The following FRMD4A variants were observed in gnomAD, a reference collection of about 807,000 sequenced individuals.
FRMD4A encodes FERM domain-containing protein 4A.
Under a neutral mutation model 129.1 loss-of-function variants are expected in FRMD4A, and 29 were observed. The observed-to-expected ratio is 0.22, with a 90% CI of 0.17 to 0.31. FRMD4A has a LOEUF of 0.31. Among genes scored for constraint, FRMD4A ranks in the 10% least tolerant of loss-of-function variants. FRMD4A has a pLI of 1.00. For missense variants in FRMD4A, 1,272 were observed against 1,375.8 expected (o/e 0.92, Z 1.19); for synonymous variants, 634 against 571.6 (o/e 1.11, Z -1.56).
At position 14,258,518 on chromosome 10, in the gene FRMD4A, C is replaced by T. The variant is rs192706951; in HGVS notation, c.45+71540G>A. ...AATGAAATACTACCACACATCTATC[C>T]GAATTGTTAAAGTTGAACAAACTGA... On this transcript the variant is annotated intron_variant, in intron 2 of 24. Transcript: ENST00000357447. Among the ~76,000 whole-genome samples the T allele has an allele frequency of 4.6e-3, 704 of 152,172 alleles. 8 individuals carry two copies. Among genetic ancestry groups the T allele is most frequent in the Middle Eastern group, 0.017 (5 of 294 alleles).
At chr10:13,803,631 C>G (rs764280736) in intron 4 of FRMD4A, among the ~76,000 whole-genome samples, 1 of 105,186 alleles carries the variant, frequency 9.5e-6, no homozygotes, top group Non-Finnish European at 2.0e-5. Context: ...AGCTACCATA[C>G]CCAGCCCCCA....
intron 2 of FRMD4A, among the ~76,000 whole-genome samples, chr10:14,235,798 G>T (rs1843792270): frequency 6.6e-6 from 1 of 152,196 alleles, no homozygotes; most frequent in African/African-American, 2.4e-5. Flanking sequence ...ATCTGGCCAG[G>T]AAAGAACATA....
At chr10:13,846,549 G>A (rs1045495277) in intron 3 of FRMD4A, among the ~76,000 whole-genome samples, 10 of 152,228 alleles carry the variant, frequency 6.6e-5, no homozygotes, top group Non-Finnish European at 5.9e-5. Flanking sequence ...AGACTCTATA[G>A]TAGGGTCACA....
chr10:13,910,888 G>A (rs987877121), intron 2 of FRMD4A, among the ~76,000 whole-genome samples: 1 of 83,098 alleles, frequency 1.2e-5, no homozygotes, highest in African/African-American at 5.0e-5. Flanking sequence ...GGAGTTTCAT[G>A]AAAAAAAAAA....
rs115405402 is a variant in FRMD4A at position 14,330,483 on chromosome 10, A to G, written c.-82+114T>C. 8.3e-4 allele frequency: 339 copies of G among 409,182 alleles called. 1 individual carries two copies. The highest frequency in any genetic ancestry group is 6.4e-3 in the African/African-American group (315 of 49,576). 25.3% of individuals were successfully genotyped at this position (409,182 alleles called of 1,614,324 possible). A position where few individuals can be genotyped will look rare whatever the true frequency, so the allele number is the denominator to read the frequency against. ...CTGGCAGCAATTCTTCCTTTAACTG[A>G]CAATTAAAATAAAACATTCCCTATT... is the stretch of plus-strand genomic sequence containing the variant. On this transcript the variant is annotated intron_variant, in intron 1 of 24. Coordinates refer to ENST00000357447, the MANE Select transcript of FRMD4A (RefSeq NM_018027.5).
chr10:13,876,637 T>C lies in FRMD4A; in HGVS notation c.46-17725A>G, dbSNP rs1054017304. On this transcript the variant is annotated intron_variant, in intron 2 of 24. Coordinates refer to ENST00000357447, the MANE Select transcript of FRMD4A (RefSeq NM_018027.5). ...AAATGAAATTTTAAAAAAATTTTGC[T>C]TATGTTGTGATCAATGGAAGGAGAC... Among the ~76,000 whole-genome samples, 4 of 152,264 alleles carry C rather than the reference T, an allele frequency of 2.6e-5. No homozygotes were observed. In the East Asian group the frequency reaches 7.7e-4, roughly 29 times the overall value.
At chr10:14,093,694 G>T (rs1029520462) in intron 2 of FRMD4A, among the ~76,000 whole-genome samples, 2 of 87,728 alleles carry the variant, frequency 2.3e-5, no homozygotes, top group Admixed American at 2.6e-4. Flanking sequence ...TCAGCAGAGT[G>T]CTAAGAGCAG....
At chr10:14,322,210 G>A (rs752864491) in intron 2 of FRMD4A, among the ~76,000 whole-genome samples, 9 of 152,128 alleles carry the variant, frequency 5.9e-5, no homozygotes, top group Non-Finnish European at 1.0e-4. Flanking sequence ...GTACATAGGA[G>A]GGGCCAGATT....
At chr10:13,902,676 C>T (rs2094834645) in intron 2 of FRMD4A, among the ~76,000 whole-genome samples, 1 of 151,784 alleles carries the variant, frequency 6.6e-6, no homozygotes, top group Non-Finnish European at 1.5e-5. Context: ...CCCATCTATA[C>T]TAAAACACAA....
intron 2 of FRMD4A, among the ~76,000 whole-genome samples, chr10:13,958,938 T>G (rs1164108291): frequency 6.6e-6 from 1 of 152,232 alleles, no homozygotes; most frequent in African/African-American, 2.4e-5. Context: ...CAATCTAGTT[T>G]CTTTGGATGG....
rs1374241224 is a variant in FRMD4A at position 13,862,705 on chromosome 10, A to G, written c.46-3793T>C. ...TTTGAAGGTACAGCTTTCTTTTGAC[A>G]GCACTGCTGTGGTTTATTTTTCAAA... On this transcript the variant is annotated intron_variant, in intron 2 of 24. Coordinates refer to ENST00000357447, the MANE Select transcript of FRMD4A (RefSeq NM_018027.5). Among the ~76,000 whole-genome samples, 3 of 152,226 alleles carry G rather than the reference A, an allele frequency of 2.0e-5. No individual in the cohort carries two copies. The East Asian group carries it at 5.8e-4, about 29-fold the overall frequency.
intron 2 of FRMD4A, among the ~76,000 whole-genome samples, chr10:14,113,045 C>A (rs1022119972): frequency 6.6e-6 from 1 of 152,230 alleles, no homozygotes; most frequent in African/African-American, 2.4e-5. Context: ...CAGGTTCGGA[C>A]TGGAATCCCC....
intron 2 of FRMD4A, among the ~76,000 whole-genome samples, chr10:14,236,195 C>T (rs1843808565): frequency 6.6e-6 from 1 of 152,262 alleles, no homozygotes; most frequent in African/African-American, 2.4e-5. Flanking sequence ...AGTCCCATTT[C>T]ATTCTCAGCC....
chr10:14,323,439 T>C (rs1589313793), intron 2 of FRMD4A, among the ~76,000 whole-genome samples: 1 of 152,204 alleles, frequency 6.6e-6, no homozygotes, highest in African/African-American at 2.4e-5. Context: ...ATTTAGGCAA[T>C]TGTGCTTCTC....
intron 2 of FRMD4A, among the ~76,000 whole-genome samples, chr10:14,203,073 A>C (rs1261462229): frequency 6.6e-6 from 1 of 152,108 alleles, no homozygotes; most frequent in Non-Finnish European, 1.5e-5. Flanking sequence ...GTGCCTGGCC[A>C]CAAGCTGAAT....
intron 8 of FRMD4A, among the ~76,000 whole-genome samples, chr10:13,750,040 AAAGGAAAGGAAGG>A (rs200682793): frequency 2.9e-5 from 4 of 140,280 alleles, no homozygotes; most frequent in South Asian, 6.0e-4. Flanking sequence ...AAAGAGAGGG[AAAGGAAAGGAAGG>A]AAGGAAGGAA....
intron 2 of FRMD4A, among the ~76,000 whole-genome samples, chr10:14,119,527 C>G (rs568018610): frequency 3.0e-4 from 46 of 152,320 alleles, no homozygotes; most frequent in African/African-American, 1.0e-3. Context: ...CATTTGGAAG[C>G]AGATCAGGGA....
intron 4 of FRMD4A, among the ~76,000 whole-genome samples, chr10:13,805,063 T>C (rs1266569993): frequency 2.0e-5 from 3 of 152,212 alleles, no homozygotes; most frequent in East Asian, 3.8e-4. Context: ...TAAACTTTTA[T>C]GAAGGAAAGG....
In FRMD4A at chr10:14,187,209, C is replaced by T. The variant is rs1224562123; in HGVS notation, c.45+142849G>A. On this transcript the variant is annotated intron_variant, in intron 2 of 24. Transcript: ENST00000357447. ...CACTCTTCCTTATAACAAGAAACAG[C>T]TTGCATTCTATAAAAGCAATGATGT... Among the ~76,000 whole-genome samples the T allele has an allele frequency of 2.0e-5, 3 of 152,068 alleles. No individual in the cohort carries two copies. The East Asian group carries it at 5.8e-4, about 29-fold the overall frequency.
Sources: allele counts gnomAD v4.1 joint callset (sites outside exome capture counted in the v4.1 genomes callset), GRCh38; gene constraint gnomAD v4.1.1; transcripts MANE v1.5; gene names NCBI Gene and HGNC (gene_info 2026-07-23, HGNC 2026-07-21).